UNC5D: variants seen among roughly 807,000 people sequenced by gnomAD.
The protein encoded by UNC5D is unc-5 netrin receptor D.
UNC5D carries 39 observed loss-of-function variants against 105.4 expected under a neutral mutation model. The observed-to-expected ratio is 0.37, with a 90% confidence interval of 0.29 to 0.48. The LOEUF is 0.48. Ranked by LOEUF, UNC5D falls within the 20% of genes least tolerant of loss-of-function variation. The pLI is 0.98. For missense variants in UNC5D, 991 were observed against 1,202.4 expected (o/e 0.82, Z 2.60); for synonymous variants, 452 against 450.4 (o/e 1.00, Z -0.04).
rs1031005490 is a variant in UNC5D, at chr8:35,791,163, G to A, written c.*600G>A. On this transcript the variant is annotated 3_prime_UTR_variant, in exon 17 of 17. Transcript: ENST00000404895. ...AGCCACTTAATGGAGACACAATGGA[G>A]AGGTAAGACAGACCACAAACTAGTT... 2 of 160,216 alleles carry A rather than the reference G, an allele frequency of 1.2e-5. No homozygotes were observed. Among genetic ancestry groups the A allele is most frequent in the Non-Finnish European group, 2.8e-5 (2 of 72,030 alleles). 9.9% of individuals were successfully genotyped at this position (160,216 alleles called of 1,614,324 possible).
chr8:35,640,220 C>A (rs868273565), intron 4 of UNC5D, among the ~76,000 whole-genome samples: 1 of 151,998 alleles, frequency 6.6e-6, no homozygotes. Flanking sequence ...AACGTTAAAC[C>A]CAAGCTAGGC....
intron 11 of UNC5D, among the ~76,000 whole-genome samples, chr8:35,741,589 CAT>C (rs1011593720): frequency 5.3e-5 from 8 of 152,242 alleles, no homozygotes; most frequent in East Asian, 3.9e-4. Context: ...TATTAATACA[CAT>C]GTTACTCAGA....
chr8:35,265,787 G>A (rs1044408838), intron 1 of UNC5D, among the ~76,000 whole-genome samples: 4 of 151,616 alleles, frequency 2.6e-5, no homozygotes, highest in Non-Finnish European at 4.4e-5. Flanking sequence ...GGAGAATGGC[G>A]TGAACCCAGG....
At chr8:35,491,130 GC>G (rs757827918) in intron 1 of UNC5D, among the ~76,000 whole-genome samples, 1 of 151,838 alleles carries the variant, frequency 6.6e-6, no homozygotes, top group Non-Finnish European at 1.5e-5. Context: ...TTTTTTATTT[GC>G]TTGTTTATAT....
At chr8:35,496,296 C>CA (rs1458207472) in intron 1 of UNC5D, among the ~76,000 whole-genome samples, 1 of 151,988 alleles carries the variant, frequency 6.6e-6, no homozygotes, top group Non-Finnish European at 1.5e-5. Flanking sequence ...TTGCTGAGGT[C>CA]AATTTAAGGA....
chr8:35,392,155 T>A (rs1803816883), intron 1 of UNC5D, among the ~76,000 whole-genome samples: 2 of 152,214 alleles, frequency 1.3e-5, no homozygotes, highest in African/African-American at 4.8e-5. Flanking sequence ...AGAATTTATT[T>A]CCTTGGATTT....
chr8:35,327,976 T>C (rs1441706633), intron 1 of UNC5D, among the ~76,000 whole-genome samples: 1 of 152,192 alleles, frequency 6.6e-6, no homozygotes, highest in South Asian at 2.1e-4. Context: ...TTTTGGCCCA[T>C]GTGATTGGGA....
intron 13 of UNC5D, among the ~76,000 whole-genome samples, chr8:35,757,746 G>A (rs548795565): frequency 6.6e-6 from 1 of 152,258 alleles, no homozygotes; most frequent in African/African-American, 2.4e-5. Flanking sequence ...ACTGCCTAAT[G>A]TCTCAGCCAA....
intron 3 of UNC5D, among the ~76,000 whole-genome samples, chr8:35,575,041 G>C (rs1180324287): frequency 6.6e-6 from 1 of 152,102 alleles, no homozygotes; most frequent in East Asian, 1.9e-4. Context: ...TCATTGAAAG[G>C]AATGCTCTGT....
intron 3 of UNC5D, among the ~76,000 whole-genome samples, chr8:35,576,345 A>C (rs940123071): frequency 1.3e-5 from 2 of 152,168 alleles, no homozygotes; most frequent in Non-Finnish European, 2.9e-5. Flanking sequence ...TATGAATTCA[A>C]ACTGTCTGAT....
chr8:35,442,712 A>T (rs1807488297), intron 1 of UNC5D, among the ~76,000 whole-genome samples: 1 of 151,994 alleles, frequency 6.6e-6, no homozygotes, highest in Non-Finnish European at 1.5e-5. Context: ...ATGTTAATTA[A>T]TAAAAGCTCT....
rs571834724 is a variant in UNC5D at position 35,333,517 on chromosome 8, C to T, written c.103+97630C>T. On this transcript the variant is annotated intron_variant, in intron 1 of 16. Coordinates refer to ENST00000404895, the MANE Select transcript of UNC5D (RefSeq NM_080872.4). ...TATGTTTGTTTTTGAGAGGGAGTTT[C>T]GCCCCAGGCTGGAGTGCAGTGGCGC... Among the ~76,000 whole-genome samples, 7 of 152,142 alleles carry T rather than the reference C, an allele frequency of 4.6e-5. 1 individual carries two copies. In the South Asian group the frequency reaches 1.0e-3, roughly 23 times the overall value.
chr8:35,782,906 G>A (rs1306960753), intron 16 of UNC5D, among the ~76,000 whole-genome samples: 1 of 152,056 alleles, frequency 6.6e-6, no homozygotes, highest in Non-Finnish European at 1.5e-5. Flanking sequence ...GGCCAAGATG[G>A]GACAATCACT....
chr8:35,357,166 T>C (rs1801603290), intron 1 of UNC5D, among the ~76,000 whole-genome samples: 1 of 152,150 alleles, frequency 6.6e-6, no homozygotes, highest in African/African-American at 2.4e-5. Context: ...CTGCACTGCA[T>C]CTGAAAGGAT....
At chr8:35,707,057 A>T (rs1178083364) in intron 8 of UNC5D, among the ~76,000 whole-genome samples, 2 of 152,232 alleles carry the variant, frequency 1.3e-5, no homozygotes, top group Non-Finnish European at 1.5e-5. Context: ...TCTAGTATCA[A>T]CTGAATGACT....
chr8:35,755,478 A>ATGTGTGTGTGTG (rs140830705), intron 13 of UNC5D, among the ~76,000 whole-genome samples: 6,977 of 150,446 alleles, frequency 0.046, 404 homozygotes, highest in African/African-American at 0.14. Context: ...ATTTGTGTGT[A>ATGTGTGTGTGTG]TGTGTGTGTG....
intron 4 of UNC5D, among the ~76,000 whole-genome samples, chr8:35,617,919 C>T (rs1404818757): frequency 1.3e-5 from 2 of 152,216 alleles, no homozygotes; most frequent in African/African-American, 2.4e-5. Context: ...TCAGTCCTCT[C>T]AACAGATTCT....
intron 1 of UNC5D, among the ~76,000 whole-genome samples, chr8:35,396,646 C>T (rs1006570472): frequency 3.3e-5 from 5 of 151,988 alleles, no homozygotes; most frequent in Admixed American, 2.0e-4. Context: ...TACAGGCATG[C>T]GCCATCACGC....
intron 3 of UNC5D, among the ~76,000 whole-genome samples, chr8:35,575,302 A>G (rs903200456): frequency 6.6e-6 from 1 of 152,194 alleles, no homozygotes; most frequent in African/African-American, 2.4e-5. Flanking sequence ...GTTTGGCTTG[A>G]AAAGCAACCC....
Sources: allele counts gnomAD v4.1 joint callset (sites outside exome capture counted in the v4.1 genomes callset), GRCh38; gene constraint gnomAD v4.1.1; transcripts MANE v1.5; gene names NCBI Gene and HGNC (gene_info 2026-07-23, HGNC 2026-07-21).